The following CDK1 variants were observed in gnomAD, a reference collection of about 807,000 sequenced individuals.
CDK1 encodes the protein cyclin dependent kinase 1, also known as cyclin-dependent kinase 1.
Under a neutral mutation model 34.6 loss-of-function variants are expected in CDK1, and 5 were observed. The ratio of observed to expected loss-of-function variants is 0.14; its 90% confidence interval spans 0.08 to 0.30. The LOEUF (loss-of-function observed/expected upper bound fraction) is 0.30. CDK1 is among the 10% of genes least tolerant of loss of function. CDK1 has a pLI of 1.00. For synonymous variants in CDK1, 108 were observed against 114.7 expected (o/e 0.94, Z 0.37); for missense variants, 157 against 345.7 (o/e 0.45, Z 4.33).
chr10:60,782,041 A>G (rs2080277582), intron 2 of CDK1, among the ~76,000 whole-genome samples: 1 of 152,252 alleles, frequency 6.6e-6, no homozygotes. Flanking sequence ...AACTTGTGGA[A>G]ATAAATGGAG....
intron 4 of CDK1, 173 bp downstream of exon 4, chr10:60,785,960 T>C: frequency 8.3e-7 from 1 of 1,211,618 alleles, no homozygotes; most frequent in African/African-American, 1.6e-5. Flanking sequence ...ACCCATGTTA[T>C]TACCAGATAG....
Position 60,793,879 on chromosome 10 carries a change from A to G in CDK1, c.798A>G (p.Lys266=). The G allele has an allele frequency of 6.6e-7, 1 of 1,508,748 alleles. No homozygotes were observed. The highest frequency in any genetic ancestry group is 9.0e-7 in the Non-Finnish European group (1 of 1,108,794). The allele number at this position is 1,508,748 out of a possible 1,614,324, so 93.5% of individuals were successfully genotyped here. ...TCTCTTTTTCTTTTTTCTCCCAGAAAATGTTAATCTATGATCCAGCCAAAC... is the reference window on the plus strand; with the variant it reads ...TCTCTTTTTCTTTTTTCTCCCAGAAGATGTTAATCTATGATCCAGCCAAAC... ...LDENGLDLLS[K]MLIYDPAKRI... Residue 266 remains lysine (K), a splice_region_variant and synonymous_variant, in exon 8 of 8, where the codon AAA becomes AAG. Coordinates refer to ENST00000395284, the MANE Select transcript of CDK1 (RefSeq NM_001786.5).
At chr10:60,786,988 C>A (rs1429715568) in intron 4 of CDK1, 1 of 981,144 alleles carries the variant, frequency 1.0e-6, no homozygotes, top group Non-Finnish European at 1.2e-6. Flanking sequence ...GTCTTCCACA[C>A]ATACTTTTTT....
At chr10:60,779,127 C>T (rs187858450) in intron 1 of CDK1, among the ~76,000 whole-genome samples, 74 of 149,244 alleles carry the variant, frequency 5.0e-4, no homozygotes, top group African/African-American at 1.8e-3. Flanking sequence ...CTGTTAAGAA[C>T]AGTCAGCCCA....
intron 4 of CDK1, 171 bp downstream of exon 4, chr10:60,785,958 T>C: frequency 1.7e-6 from 2 of 1,211,158 alleles, no homozygotes; most frequent in African/African-American, 1.6e-5. Context: ...ATACCCATGT[T>C]ATTACCAGAT....
At chr10:60,780,096 T>C in intron 1 of CDK1, 45 bp from the exon 2 acceptor site, 2 of 892,368 alleles carry the variant, frequency 2.2e-6, no homozygotes, top group Non-Finnish European at 3.8e-6. Context: ...TTAAAACTAC[T>C]CGAGTTAGTG....
Position 60,781,249 on chromosome 10 carries a change from T to C in CDK1, c.37+1047T>C, listed in dbSNP as rs376071679. ...AGTATAAATATATTTTTCTTTAAGA[T>C]GATAGAACTCCAAACATACAGGAGA... On this transcript the variant is annotated intron_variant, in intron 2 of 7. Transcript: ENST00000395284. Among the ~76,000 whole-genome samples, 9 of 152,258 alleles carry C rather than the reference T, an allele frequency of 5.9e-5. No homozygotes were observed. In the South Asian group the frequency reaches 1.9e-3, roughly 32 times the overall value.
At chr10:60,784,638 A>G in intron 2 of CDK1, 67 bp from the exon 3 acceptor site, 2 of 1,407,288 alleles carry the variant, frequency 1.4e-6, no homozygotes, top group Non-Finnish European at 2.0e-6. Context: ...ATAAGGAAAA[A>G]AAAAAAGAAA....
rs3213035 is a variant in CDK1, at chr10:60,781,757, TCTC to T, written c.37+1562_37+1564del. 3.9e-3 allele frequency among the ~76,000 whole-genome samples: 597 copies of T among 152,286 alleles called. 3 individuals are homozygous for T. The highest frequency in any genetic ancestry group is 0.013 in the African/African-American group (549 of 41,560). On this transcript the variant is annotated intron_variant, in intron 2 of 7. Coordinates refer to ENST00000395284, the MANE Select transcript of CDK1 (RefSeq NM_001786.5). ...CAGTTTCTACTGGCTTCATTTTTTA[TCTC>T]CTCCTCTAGTCCAAGAGCATTTTGT...
intron 2 of CDK1, among the ~76,000 whole-genome samples, chr10:60,782,833 A>G (rs1360203338): frequency 6.6e-6 from 1 of 152,190 alleles, no homozygotes; most frequent in Non-Finnish European, 1.5e-5. Flanking sequence ...ATGATTAACC[A>G]ATAGAAAGTT....
chr10:60,793,841 TC>T, intron 7 of CDK1, 35 bp from the exon 8 acceptor site: 1 of 1,204,714 alleles, frequency 8.3e-7, no homozygotes, highest in Non-Finnish European at 1.2e-6. Context: ...ATGGTTTATT[TC>T]CTAAATAAAT....
Position 60,785,669 on chromosome 10 carries a change from A to T in CDK1, c.200A>T (p.Gln67Leu). The T allele has an allele frequency of 1.9e-6, 3 of 1,588,174 alleles. No individual in the cohort carries two copies. The East Asian group carries it at 6.7e-5, about 36-fold the overall frequency. ...ELRHPNIVSL[Q>L]DVLMQDSRLY... ...CATATATTTTTTTTCCCCAGTCTTCAGGATGTGCTTATGCAGGATTCCAGG... is the reference window on the plus strand; with the variant it reads ...CATATATTTTTTTTCCCCAGTCTTCTGGATGTGCTTATGCAGGATTCCAGG... Residue 67 changes from glutamine (Q) to leucine (L), a missense_variant, in exon 4 of 8, where the codon CAG becomes CTG. Gln to Leu is a moderately radical substitution (Grantham distance 113). Around this residue, in one of 3 missense-constraint regions of CDK1, gnomAD observed 53 missense variants for 89.2 expected, o/e 0.59. Transcript: ENST00000395284.
Position 60,784,703 on chromosome 10 carries a change from A to T in CDK1, c.38-2A>T. On this transcript the variant is annotated splice_acceptor_variant, in intron 2 of 7. Transcript: ENST00000395284. LOFTEE classifies it high-confidence loss of function. ...CACAGCATATTATTTACTTTGTTTCAGGTACCTATGGAGTTGTGTATAAGG... is the reference window on the plus strand; with the variant it reads ...CACAGCATATTATTTACTTTGTTTCTGGTACCTATGGAGTTGTGTATAAGG... 1 of 1,607,400 alleles carries T rather than the reference A, an allele frequency of 6.2e-7. No individual in the cohort carries two copies. The highest frequency in any genetic ancestry group is 8.5e-7 in the Non-Finnish European group (1 of 1,175,636).
At chr10:60,783,037 T>C (rs1308513075) in intron 2 of CDK1, among the ~76,000 whole-genome samples, 1 of 152,194 alleles carries the variant, frequency 6.6e-6, no homozygotes, top group African/African-American at 2.4e-5. Context: ...TAACTGTTTA[T>C]GTGACTGTAT....
intron 1 of CDK1, among the ~76,000 whole-genome samples, chr10:60,778,939 C>G (rs954083212): frequency 6.6e-6 from 1 of 152,128 alleles, no homozygotes; most frequent in Non-Finnish European, 1.5e-5. Flanking sequence ...GTAGCAGGCT[C>G]TTTCCTGGGC....
intron 5 of CDK1, among the ~76,000 whole-genome samples, chr10:60,789,142 G>C (rs2080338332): frequency 6.6e-6 from 1 of 151,962 alleles, no homozygotes; most frequent in Non-Finnish European, 1.5e-5. Flanking sequence ...ATATTTATGG[G>C]GTACAGTGTG....
At chr10:60,786,402 A>G in intron 4 of CDK1, 1 of 768,980 alleles carries the variant, frequency 1.3e-6, no homozygotes, top group Non-Finnish European at 1.6e-6. Context: ...TTTGTGTAAA[A>G]CATTATCAAG....
At position 60,792,163 on chromosome 10, in the gene CDK1, C is replaced by G. The variant is rs1478969647; in HGVS notation, c.669C>G (p.Pro223=). The change falls in exon 7 of 8, where the codon CCC becomes CCG. Residue 223 remains proline, a synonymous_variant. Transcript: ENST00000395284. The stretch of plus-strand genomic sequence containing the variant: ...TGTTTTTTAGAGCTTTGGGCACTCC[C>G]AATAATGAAGTGTGGCCAGAAGTGG... ...LFRIFRALGT[P]NNEVWPEVES... is the part of the protein sequence containing the mutation. The G allele has an allele frequency of 1.2e-6, 2 of 1,608,760 alleles. No homozygotes were observed. The highest frequency in any genetic ancestry group is 1.1e-5 in the South Asian group (1 of 89,844).
At chr10:60,784,975 C>A in intron 3 of CDK1, 114 bp downstream of exon 3, 3 of 870,628 alleles carry the variant, frequency 3.4e-6, no homozygotes, top group South Asian at 3.3e-5. Context: ...ACTGAGTGGA[C>A]TAGAACCCTA....
Sources: allele counts gnomAD v4.1 joint callset (sites outside exome capture counted in the v4.1 genomes callset), GRCh38; gene constraint gnomAD v4.1.1; regional missense constraint gnomAD v4.1.1; transcripts MANE v1.5; gene names NCBI Gene and HGNC (gene_info 2026-07-23, HGNC 2026-07-21).